The following PIM3 variants were observed in gnomAD, a reference collection of about 807,000 sequenced individuals.
PIM3 encodes the protein Pim-3 proto-oncogene, serine/threonine kinase, also known as serine/threonine-protein kinase pim-3.
A neutral mutation model predicts 27.5 loss-of-function variants in PIM3; 13 were observed. That is an observed-to-expected ratio of 0.47 (90% CI 0.31 to 0.75). The LOEUF (loss-of-function observed/expected upper bound fraction) is 0.75, where lower values mean the gene tolerates loss of function less well. PIM3 is among the 30% of genes least tolerant of loss of function. PIM3 has a pLI of 0.05. For synonymous variants in PIM3, 341 were observed against 221.1 expected, an observed-to-expected ratio of 1.54 and a Z score of -4.81; for missense variants, 482 against 476.9, an observed-to-expected ratio of 1.01 and a Z score of -0.10.
rs1380810653 is a variant in PIM3 at position 49,963,907 on chromosome 22, C to T, written c.*780C>T. 6.6e-6 allele frequency: 1 copy of T among 152,430 alleles called. No homozygotes were observed. The highest frequency in any genetic ancestry group is 2.4e-5 in the African/African-American group (1 of 41,444). 9.4% of individuals were successfully genotyped at this position (152,430 alleles called of 1,614,324 possible). ...ACAGTCTGCTTGTGGGCTCTGAAAG[C>T]TGGGGTGGGGCCAGAGCCTGAGCGT... On this transcript the variant is annotated 3_prime_UTR_variant, in exon 6 of 6. Coordinates refer to ENST00000360612, the MANE Select transcript of PIM3 (RefSeq NM_001001852.4).
chr22:49,962,205 G>T (rs988915358), intron 4 of PIM3, among the ~76,000 whole-genome samples: 3 of 151,928 alleles, frequency 2.0e-5, no homozygotes, highest in Non-Finnish European at 4.4e-5. Flanking sequence ...CCCGCGGCGC[G>T]GTTGGAGTGG....
Position 49,961,438 on chromosome 22 carries a change from C to T in PIM3, c.247-4C>T. The T allele has an allele frequency of 7.0e-7, 1 of 1,429,636 alleles. No individual in the cohort carries two copies. The highest frequency in any genetic ancestry group is 9.1e-7 in the Non-Finnish European group (1 of 1,097,192). The allele number at this position is 1,429,636 out of a possible 1,614,324, so 88.6% of individuals were successfully genotyped here. On this transcript the variant is annotated splice_region_variant and splice_polypyrimidine_tract_variant and intron_variant, in intron 3 of 5. Transcript: ENST00000360612. ...GGGCTTTTGCTGACCGCCGTGTCCCCCAGGGCGGCGCGACCGTGCCCCTGG... is the reference window on the plus strand; with the variant it reads ...GGGCTTTTGCTGACCGCCGTGTCCCTCAGGGCGGCGCGACCGTGCCCCTGG...
chr22:49,962,453 C>G (rs1249102657), intron 4 of PIM3, among the ~76,000 whole-genome samples: 2 of 151,276 alleles, frequency 1.3e-5, no homozygotes, highest in Non-Finnish European at 3.0e-5. Flanking sequence ...TTGTGAAAGC[C>G]GAGCTCTTAC....
rs1458683524 is a variant in PIM3 at position 49,961,430 on chromosome 22, C to A, written c.247-12C>A. Reference sequence around the variant, plus strand: ...CGGGCGCGGGGCTTTTGCTGACCGCCGTGTCCCCCAGGGCGGCGCGACCGT... The same window carrying A: ...CGGGCGCGGGGCTTTTGCTGACCGCAGTGTCCCCCAGGGCGGCGCGACCGT... On this transcript the variant is annotated splice_polypyrimidine_tract_variant and intron_variant, in intron 3 of 5. Coordinates refer to ENST00000360612, the MANE Select transcript of PIM3 (RefSeq NM_001001852.4). 1 of 1,416,880 alleles carries A rather than the reference C, an allele frequency of 7.1e-7. No homozygotes were observed. Among genetic ancestry groups the A allele is most frequent in the Non-Finnish European group, 9.2e-7 (1 of 1,089,620 alleles). The allele number at this position is 1,416,880 out of a possible 1,614,324, so 87.8% of individuals were successfully genotyped here.
Position 49,963,424 on chromosome 22 carries a change from C to T in PIM3, c.*297C>T, listed in dbSNP as rs981705884. On this transcript the variant is annotated 3_prime_UTR_variant, in exon 6 of 6. Coordinates refer to ENST00000360612, the MANE Select transcript of PIM3 (RefSeq NM_001001852.4). ...CGGAGGCGGCCTTCCCATCTGCCTG[C>T]CCACCCGGAGCTCTTTCCGCCGGCG... 6.3e-6 allele frequency: 2 copies of T among 319,182 alleles called. No homozygotes were observed. The highest frequency in any genetic ancestry group is 9.7e-5 in the Admixed American group (2 of 20,610). 19.8% of individuals were successfully genotyped at this position (319,182 alleles called of 1,614,324 possible).
rs754289668 is a variant in PIM3, at chr22:49,961,655, G to T, written c.460G>T (p.Val154Leu). The T allele has an allele frequency of 1.3e-6, 2 of 1,577,184 alleles. No individual in the cohort carries two copies. The highest frequency in any genetic ancestry group is 1.7e-6 in the Non-Finnish European group (2 of 1,162,422). Residue 154 changes from valine to leucine, a missense_variant, in exon 4 of 6, where the codon GTG (valine) becomes TTG (leucine). Transcript: ENST00000360612. ...GCTGGCGCGCCGCTTCTTCGCGCAG[G>T]TGCTGGCCGCCGTGCGCCACTGCCA... ...EPLARRFFAQVLAAVRHCHSC... is the reference protein window; with the variant it reads ...EPLARRFFAQLLAAVRHCHSC...
chr22:49,961,535 G>C lies in PIM3; in HGVS notation c.340G>C (p.Glu114Gln), dbSNP rs1477617679. The part of the protein sequence containing the change: ...RGVIRLLDWF[E>Q]RPDGFLLVLE... ...CGTCATCCGCCTGCTGGACTGGTTC[G>C]AGCGGCCCGACGGCTTCCTGCTGGT... The change falls in exon 4 of 6, where the codon GAG becomes CAG. Residue 114 changes from glutamate (E) to glutamine (Q), a missense_variant. Transcript: ENST00000360612. The C allele has an allele frequency of 5.2e-6, 8 of 1,543,562 alleles. No individual in the cohort carries two copies. Among genetic ancestry groups the C allele is most frequent in the South Asian group, 1.2e-5 (1 of 83,676 alleles).
chr22:49,962,194 C>G (rs908016136), intron 4 of PIM3, among the ~76,000 whole-genome samples: 1 of 151,878 alleles, frequency 6.6e-6, no homozygotes, highest in African/African-American at 2.4e-5. Context: ...GCCTGGAGGC[C>G]CCCGCGGCGC....
chr22:49,960,892 A>T lies in PIM3; in HGVS notation c.-56A>T. 2 of 1,157,252 alleles carry T rather than the reference A, an allele frequency of 1.7e-6. No individual in the cohort carries two copies. The highest frequency in any genetic ancestry group is 2.1e-6 in the Non-Finnish European group (2 of 941,148). The allele number at this position is 1,157,252 out of a possible 1,614,324, so 71.7% of individuals were successfully genotyped here. On this transcript the variant is annotated 5_prime_UTR_variant, in exon 1 of 6. Coordinates refer to ENST00000360612, the MANE Select transcript of PIM3 (RefSeq NM_001001852.4). ...TGTCCCCGGCGCGCCGCTCGCCCGG[A>T]TCGGCCGCGGCTTCGGCGCCTGGGG... is the stretch of plus-strand genomic sequence containing the variant.
rs754096814 is a variant in PIM3 at position 49,963,013 on chromosome 22, C to G, written c.867C>G (p.Ala289=). 4 of 1,612,058 alleles carry G rather than the reference C, an allele frequency of 2.5e-6. No individual in the cohort carries two copies. In the South Asian group the frequency reaches 3.3e-5, roughly 13 times the overall value. ...SERPSLDQIA[A]HPWMLGADGG... ...GGCCGTCGCTGGATCAGATTGCGGC[C>G]CATCCCTGGATGCTGGGGGCTGACG... Residue 289 remains alanine, a synonymous_variant, in exon 6 of 6, where the codon GCC becomes GCG. Coordinates refer to ENST00000360612, the MANE Select transcript of PIM3 (RefSeq NM_001001852.4).
intron 3 of PIM3, 30 bp downstream of exon 3, chr22:49,961,398 CGGG>C: frequency 7.1e-7 from 1 of 1,414,068 alleles, no homozygotes; most frequent in Non-Finnish European, 9.2e-7. Flanking sequence ...GCGGCGGCGG[CGGG>C]GGGCGGGCGC....
rs1409204265 is a variant in PIM3 at position 49,963,532 on chromosome 22, TCCGCGCCCGCCCGC to T, written c.*408_*421del. On this transcript the variant is annotated 3_prime_UTR_variant, in exon 6 of 6. Transcript: ENST00000360612. ...TGCACACACAATGCAAGTCCTGGCC[TCCGCGCCCGCCCGC>T]CCACGCGAGCCGTACCCGCCGCCAA... 6.0e-6 allele frequency: 1 copy of T among 166,096 alleles called. No individual in the cohort carries two copies. The highest frequency in any genetic ancestry group is 2.4e-5 in the African/African-American group (1 of 41,942). 10.3% of individuals were successfully genotyped at this position (166,096 alleles called of 1,614,324 possible).
At position 49,961,350 on chromosome 22, in the gene PIM3, G is replaced by T; in HGVS notation, c.228G>T (p.Val76=). 2 of 1,535,146 alleles carry T rather than the reference G, an allele frequency of 1.3e-6. No individual in the cohort carries two copies. The highest frequency in any genetic ancestry group is 1.2e-5 in the South Asian group (1 of 82,576). The part of the protein sequence containing the change: ...VAVKHVVKER[V]TEWGSLGGAT... ...TGAAGCACGTGGTGAAGGAGCGGGT[G>T]ACCGAGTGGGGCAGCCTGGTAAGTT... Residue 76 remains valine, a synonymous_variant, in exon 3 of 6, where the codon GTG becomes GTT. Transcript: ENST00000360612.
chr22:49,962,739 G>A lies in PIM3; in HGVS notation c.667G>A (p.Gly223Arg). The A allele has an allele frequency of 1.2e-6, 2 of 1,612,770 alleles. No individual in the cohort carries two copies. Among genetic ancestry groups the A allele is most frequent in the Non-Finnish European group, 1.7e-6 (2 of 1,179,948 alleles). Residue 223 changes from glycine (G) to arginine (R), a missense_variant, in exon 5 of 6, where the codon GGG (glycine) becomes AGG (arginine). Transcript: ENST00000360612. The stretch of plus-strand genomic sequence containing the variant: ...GTGGATCCGCTACCACCGCTACCAC[G>A]GGCGCTCGGCCACCGTGTGGTCGCT... ...PEWIRYHRYH[G>R]RSATVWSLGV...
intron 4 of PIM3, among the ~76,000 whole-genome samples, chr22:49,962,390 G>A (rs988418098): frequency 6.8e-6 from 1 of 146,674 alleles, no homozygotes; most frequent in Non-Finnish European, 1.5e-5. Flanking sequence ...CGGGCGGTAA[G>A]GGACCCGCGC....
In PIM3 at chr22:49,961,647, T is replaced by C. The variant is rs1333719539; in HGVS notation, c.452T>C (p.Phe151Ser). The C allele has an allele frequency of 6.4e-7, 1 of 1,570,318 alleles. No individual in the cohort carries two copies. ...ALDEPLARRFFAQVLAAVRHC... is the reference protein window; with the variant it reads ...ALDEPLARRFSAQVLAAVRHC... The stretch of plus-strand genomic sequence containing the variant: ...GACGAGCCGCTGGCGCGCCGCTTCT[T>C]CGCGCAGGTGCTGGCCGCCGTGCGC... The change falls in exon 4 of 6, where the codon TTC becomes TCC. Residue 151 changes from phenylalanine to serine, a missense_variant. Transcript: ENST00000360612.
Position 49,963,049 on chromosome 22 carries a change from G to A in PIM3, c.903G>A (p.Pro301=), listed in dbSNP as rs748968040. ...TGCTGGGGGCTGACGGGGGCGTCCC[G>A]GAGAGCTGTGACCTGCGGCTGTGCA... ...PWMLGADGGV[P]ESCDLRLCTL... The change falls in exon 6 of 6, where the codon CCG becomes CCA. Residue 301 remains proline (P), a synonymous_variant. Coordinates refer to ENST00000360612, the MANE Select transcript of PIM3 (RefSeq NM_001001852.4). 4 of 1,611,864 alleles carry A rather than the reference G, an allele frequency of 2.5e-6. No individual in the cohort carries two copies. The African/African-American group carries it at 4.0e-5, about 16-fold the overall frequency.
chr22:49,962,570 T>G, intron 4 of PIM3, 119 bp from the exon 5 acceptor site: 26 of 1,139,330 alleles, frequency 2.3e-5, no homozygotes, highest in East Asian at 2.8e-5. Context: ...ACGAGCAGGA[T>G]TTTGAGGCCT....
rs796402070 is a variant in PIM3, at chr22:49,963,198, C to T, written c.*71C>T. The stretch of plus-strand genomic sequence containing the variant: ...GACCTGGGACGCCCCCAGACCCTGA[C>T]TTTCTCCTGCGTGGGCCGTCTCCTC... On this transcript the variant is annotated 3_prime_UTR_variant, in exon 6 of 6. Coordinates refer to ENST00000360612, the MANE Select transcript of PIM3 (RefSeq NM_001001852.4). 7.7e-6 allele frequency: 11 copies of T among 1,435,170 alleles called. No individual in the cohort carries two copies. Among genetic ancestry groups the T allele is most frequent in the African/African-American group, 7.2e-5 (5 of 69,492 alleles). The allele number at this position is 1,435,170 out of a possible 1,614,324, so 88.9% of individuals were successfully genotyped here. A position where few individuals can be genotyped will look rare whatever the true frequency, so the allele number is the denominator to read the frequency against.
Sources: allele counts gnomAD v4.1 joint callset (sites outside exome capture counted in the v4.1 genomes callset), GRCh38; gene constraint gnomAD v4.1.1; transcripts MANE v1.5; gene names NCBI Gene and HGNC (gene_info 2026-07-23, HGNC 2026-07-21).